The following CCSER1 variants were observed in gnomAD, a reference collection of about 807,000 sequenced individuals.
CCSER1 encodes serine-rich coiled-coil domain-containing protein 1.
Under a neutral mutation model 82.0 loss-of-function variants are expected in CCSER1, and 41 were observed. That is an observed-to-expected ratio of 0.50 (90% confidence interval 0.39 to 0.65). CCSER1 has a LOEUF of 0.65. Ranked by LOEUF, CCSER1 falls within the 30% of genes least tolerant of loss-of-function variation. CCSER1 has a pLI of 0.00. For missense variants in CCSER1, 1,119 were observed against 1,064.2 expected, an observed-to-expected ratio of 1.05 and a Z score of -0.72; for synonymous variants, 414 against 383.9, an observed-to-expected ratio of 1.08 and a Z score of -0.92.
rs556177495 is a variant in CCSER1 at position 91,159,277 on chromosome 4, G to A, written c.2217+73283G>A. On this transcript the variant is annotated intron_variant, in intron 10 of 10. Coordinates refer to ENST00000509176, the MANE Select transcript of CCSER1 (RefSeq NM_001145065.2). ...TGTCAAAATCTCAACCATTGTTAAT[G>A]CCTATATTAAATCAATGCCATGCTG... 2.3e-4 allele frequency among the ~76,000 whole-genome samples: 35 copies of A among 151,968 alleles called. No homozygotes were observed. In the South Asian group the frequency reaches 7.1e-3, roughly 31 times the overall value.
At chr4:90,639,788 T>C (rs1726142574) in intron 6 of CCSER1, among the ~76,000 whole-genome samples, 2 of 152,164 alleles carry the variant, frequency 1.3e-5, no homozygotes, top group South Asian at 4.1e-4. Flanking sequence ...GTTGAAATTC[T>C]TATTTCAACA....
chr4:90,857,536 A>G (rs1764590822), intron 8 of CCSER1, among the ~76,000 whole-genome samples: 2 of 152,076 alleles, frequency 1.3e-5, no homozygotes, highest in Admixed American at 6.6e-5. Context: ...CAGATTACCA[A>G]ATACATTGCA....
intron 8 of CCSER1, among the ~76,000 whole-genome samples, chr4:90,902,307 G>C (rs1252296760): frequency 1.2e-4 from 18 of 151,652 alleles, no homozygotes; most frequent in Non-Finnish European, 1.8e-4. Flanking sequence ...TTTTAATTTT[G>C]GTTAGGATCC....
chr4:91,131,919 A>G (rs1728033201), intron 10 of CCSER1, among the ~76,000 whole-genome samples: 1 of 151,934 alleles, frequency 6.6e-6, no homozygotes, highest in Non-Finnish European at 1.5e-5. Context: ...ATTTTGGATG[A>G]ATCATCGAAA....
intron 5 of CCSER1, among the ~76,000 whole-genome samples, chr4:90,536,220 GAT>G (rs924720212): frequency 6.6e-6 from 1 of 151,970 alleles, no homozygotes; most frequent in Non-Finnish European, 1.5e-5. Context: ...TTTTAGTAGA[GAT>G]GGGGTTTTGC....
At chr4:90,684,944 G>GT (rs1250109508) in intron 6 of CCSER1, among the ~76,000 whole-genome samples, 3 of 152,118 alleles carry the variant, frequency 2.0e-5, no homozygotes, top group African/African-American at 7.2e-5. Context: ...ACATGGAACT[G>GT]TAAGTCCATT....
chr4:90,269,758 T>TA lies in CCSER1; in HGVS notation c.-41-38477dup, dbSNP rs1270596816. On this transcript the variant is annotated intron_variant, in intron 1 of 10. Coordinates refer to ENST00000509176, the MANE Select transcript of CCSER1 (RefSeq NM_001145065.2). ...CAAAAAGTTGGTTTTGTAAAAAGAT[T>TA]AAAAAAAAACCTGACAAACCTTTAG... Among the ~76,000 whole-genome samples the TA allele has an allele frequency of 2.2e-3, 334 of 149,880 alleles. 2 individuals are homozygous for TA. Among genetic ancestry groups the TA allele is most frequent in the African/African-American group, 7.5e-3 (308 of 40,908 alleles).
chr4:91,022,076 G>C (rs1458224179), intron 9 of CCSER1, among the ~76,000 whole-genome samples: 2 of 151,684 alleles, frequency 1.3e-5, no homozygotes, highest in African/African-American at 4.8e-5. Flanking sequence ...ATGTATACAT[G>C]TGCCATGTTG....
intron 10 of CCSER1, among the ~76,000 whole-genome samples, chr4:91,141,801 C>G (rs983218035): frequency 6.6e-6 from 1 of 152,004 alleles, no homozygotes; most frequent in African/African-American, 2.4e-5. Context: ...GTTTTTGGCC[C>G]TTTTAATAAA....
intron 10 of CCSER1, among the ~76,000 whole-genome samples, chr4:91,142,074 T>C (rs915659507): frequency 1.3e-5 from 2 of 152,128 alleles, no homozygotes; most frequent in Admixed American, 6.6e-5. Flanking sequence ...CCCTGTGATA[T>C]GGTTTTGTTG....
intron 10 of CCSER1, among the ~76,000 whole-genome samples, chr4:91,418,122 T>G (rs1688935692): frequency 6.6e-6 from 1 of 151,692 alleles, no homozygotes; most frequent in South Asian, 2.1e-4. Context: ...TGCCTACATT[T>G]AGAGAAAAGA....
chr4:91,190,382 C>T (rs549726566), intron 10 of CCSER1, among the ~76,000 whole-genome samples: 3 of 152,100 alleles, frequency 2.0e-5, no homozygotes, highest in African/African-American at 7.2e-5. Context: ...AGTGGCTTTT[C>T]CTCTTCCCAT....
chr4:90,423,214 T>TTTTA (rs775724108), intron 4 of CCSER1, among the ~76,000 whole-genome samples: 1 of 151,912 alleles, frequency 6.6e-6, no homozygotes, highest in African/African-American at 2.4e-5. Flanking sequence ...AGGTGGTTCT[T>TTTTA]TTTATTTATT....
At chr4:90,850,197 A>G (rs1357588994) in intron 8 of CCSER1, among the ~76,000 whole-genome samples, 2 of 152,126 alleles carry the variant, frequency 1.3e-5, no homozygotes, top group African/African-American at 4.8e-5. Flanking sequence ...CTCTGCCTAG[A>G]TTTCAGAGGA....
rs1211397873 is a variant in CCSER1, at chr4:91,369,852, ATT to A, written c.2218-228712_2218-228711del. On this transcript the variant is annotated intron_variant, in intron 10 of 10. Coordinates refer to ENST00000509176, the MANE Select transcript of CCSER1 (RefSeq NM_001145065.2). ...GCCTAGCTAATTTTTTTTTTTTTGTATTTTTTTTTAGGAGAGACGGGGTTTCA... is the reference window on the plus strand; with the variant it reads ...GCCTAGCTAATTTTTTTTTTTTTGTATTTTTTTAGGAGAGACGGGGTTTCA... 6.6e-3 allele frequency among the ~76,000 whole-genome samples: 910 copies of A among 138,886 alleles called. 13 individuals carry two copies. Among genetic ancestry groups the A allele is most frequent in the African/African-American group, 0.022 (848 of 37,780 alleles). 91.1% of individuals were successfully genotyped at this position (138,886 alleles called of 152,430 possible).
At chr4:91,575,669 A>T (rs1763417817) in intron 10 of CCSER1, among the ~76,000 whole-genome samples, 1 of 152,040 alleles carries the variant, frequency 6.6e-6, no homozygotes. Context: ...GATGAAAAAT[A>T]GCTAAAATAA....
At chr4:91,140,415 C>T (rs1420402046) in intron 10 of CCSER1, among the ~76,000 whole-genome samples, 2 of 151,816 alleles carry the variant, frequency 1.3e-5, no homozygotes, top group African/African-American at 4.8e-5. Context: ...TTTCTAAGCT[C>T]TTGGTCTTCC....
intron 9 of CCSER1, among the ~76,000 whole-genome samples, chr4:90,938,321 G>T (rs1731202451): frequency 6.6e-6 from 1 of 151,866 alleles, no homozygotes; most frequent in South Asian, 2.1e-4. Context: ...TAATTTTCTT[G>T]CAGTTTTCTT....
intron 9 of CCSER1, among the ~76,000 whole-genome samples, chr4:91,018,269 T>C (rs896808713): frequency 2.6e-5 from 4 of 152,128 alleles, no homozygotes; most frequent in Admixed American, 2.0e-4. Context: ...AGTATTTCTT[T>C]TCTTAATAAA....
Sources: gnomAD v4.1 joint callset for allele counts (sites outside exome capture counted in the v4.1 genomes callset) on GRCh38, gnomAD v4.1.1 for gene constraint, MANE v1.5 for transcripts, NCBI Gene and HGNC (gene_info 2026-07-23, HGNC 2026-07-21) for gene names.